Variants in SAMD4A observed in about 807,000 individuals in gnomAD.
SAMD4A encodes the protein protein Smaug homolog 1.
SAMD4A carries 33 observed loss-of-function variants against 81.3 expected under a neutral mutation model. That is an observed-to-expected ratio of 0.41 (90% CI 0.31 to 0.54). The LOEUF is 0.54. SAMD4A is among the 20% of genes least tolerant of loss of function. The probability of loss-of-function intolerance (pLI) is 0.37; values close to 1 mark genes in which losing one functional copy is unlikely to be tolerated. For synonymous variants in SAMD4A, 389 were observed against 382.1 expected (o/e 1.02, Z -0.21); for missense variants, 854 against 951.1 (o/e 0.90, Z 1.34).
chr14:54,717,952 A>G (rs1185986188), intron 3 of SAMD4A, among the ~76,000 whole-genome samples: 1 of 150,246 alleles, frequency 6.7e-6, no homozygotes, highest in Non-Finnish European at 1.5e-5. Context: ...GTATGGTCAC[A>G]GTTCTTTCCC....
chr14:54,579,242 G>A (rs954071215), intron 2 of SAMD4A, among the ~76,000 whole-genome samples: 2 of 152,236 alleles, frequency 1.3e-5, no homozygotes, highest in Non-Finnish European at 2.9e-5. Context: ...TCAATAATTA[G>A]ATAATGGGCT....
At chr14:54,579,601 C>T (rs2033407239) in intron 2 of SAMD4A, among the ~76,000 whole-genome samples, 1 of 152,142 alleles carries the variant, frequency 6.6e-6, no homozygotes, top group Admixed American at 6.5e-5. Context: ...ATTCCTCTTA[C>T]TTATGACATT....
chr14:54,655,188 GAT>G (rs1196242019), intron 2 of SAMD4A, among the ~76,000 whole-genome samples: 1 of 152,180 alleles, frequency 6.6e-6, no homozygotes, highest in Non-Finnish European at 1.5e-5. Context: ...GCGGATGAAA[GAT>G]AGGCTTTTTC....
intron 2 of SAMD4A, among the ~76,000 whole-genome samples, chr14:54,645,995 T>C (rs929419814): frequency 6.6e-6 from 1 of 152,238 alleles, no homozygotes; most frequent in Non-Finnish European, 1.5e-5. Flanking sequence ...TACTCCATCT[T>C]TTATGTGGTT....
At chr14:54,695,589 T>C (rs1256809099) in intron 2 of SAMD4A, among the ~76,000 whole-genome samples, 1 of 152,286 alleles carries the variant, frequency 6.6e-6, no homozygotes, top group Non-Finnish European at 1.5e-5. Context: ...GAAAAGCACA[T>C]AGGTGAATAC....
chr14:54,693,615 T>C (rs2036506239), intron 2 of SAMD4A: 1 of 152,212 alleles, frequency 6.6e-6, no homozygotes, highest in African/African-American at 2.4e-5. Flanking sequence ...GCTAAGAGGT[T>C]GAGGTTGCAG....
At chr14:54,783,481 G>C (rs1049836676) in intron 11 of SAMD4A, among the ~76,000 whole-genome samples, 2 of 152,230 alleles carry the variant, frequency 1.3e-5, no homozygotes, top group Non-Finnish European at 2.9e-5. Flanking sequence ...GGGAGATAGA[G>C]GGGTTCCAGG....
At chr14:54,660,061 C>T (rs2035605519) in intron 2 of SAMD4A, among the ~76,000 whole-genome samples, 1 of 151,230 alleles carries the variant, frequency 6.6e-6, no homozygotes, top group Non-Finnish European at 1.5e-5. Context: ...AGCTTGGCAA[C>T]AGAGCGAGAC....
rs57819180 is a variant in SAMD4A at position 54,576,001 on chromosome 14, C to CTTTTTTT, written c.196+7920_196+7926dup. ...CCAGGAAAGATTTCTTTCTTTCTTT[C>CTTTTTTT]TTTTTTTTTTTTTTTTTTTTTTTTT... On this transcript the variant is annotated intron_variant, in intron 2 of 12. Transcript: ENST00000554335. 1.8e-3 allele frequency among the ~76,000 whole-genome samples: 143 copies of CTTTTTTT among 79,982 alleles called. 17 individuals are homozygous for CTTTTTTT. The highest frequency in any genetic ancestry group is 5.5e-3 in the East Asian group (11 of 1,986). The allele number at this position is 79,982 out of a possible 152,430, so 52.5% of individuals were successfully genotyped here.
chr14:54,742,376 A>C (rs1271319844), intron 4 of SAMD4A, among the ~76,000 whole-genome samples: 1 of 152,062 alleles, frequency 6.6e-6, no homozygotes, highest in Admixed American at 6.5e-5. Context: ...GAGTGTGGGA[A>C]CTGTAGAACA....
In SAMD4A at chr14:54,641,566, T is replaced by C. The variant is rs962516862; in HGVS notation, c.197-60496T>C. ...AAAATCTTGTTGCATTTAGTCCACA[T>C]AGTGGCATATGAGACATGGAGCATT... is the stretch of plus-strand genomic sequence containing the variant. On this transcript the variant is annotated intron_variant, in intron 2 of 12. Transcript: ENST00000554335. Among the ~76,000 whole-genome samples the C allele has an allele frequency of 3.9e-5, 6 of 152,356 alleles. No individual in the cohort carries two copies. In the East Asian group the frequency reaches 1.2e-3, roughly 29 times the overall value.
At chr14:54,652,881 T>A (rs12888372) in intron 2 of SAMD4A, 64,199 of 151,938 alleles carry the variant, frequency 0.42, 14,515 homozygotes, top group East Asian at 0.78. Context: ...AGTTAAGTAA[T>A]CCTATTTCTA....
chr14:54,704,222 G>A lies in SAMD4A; in HGVS notation c.715+1642G>A, dbSNP rs539367442. Among the ~76,000 whole-genome samples the A allele has an allele frequency of 4.1e-4, 63 of 152,284 alleles. 2 individuals carry two copies. The South Asian group carries it at 0.01, about 25-fold the overall frequency. On this transcript the variant is annotated intron_variant, in intron 3 of 12. Transcript: ENST00000554335. ...ATAATCCAGCAGGAACAGTTTACTC[G>A]TCTCTGTATGATAAGGAGTGATGAC... is the stretch of plus-strand genomic sequence containing the variant.
intron 4 of SAMD4A, among the ~76,000 whole-genome samples, chr14:54,746,402 G>T (rs2037968676): frequency 6.6e-6 from 1 of 152,192 alleles, no homozygotes; most frequent in African/African-American, 2.4e-5. Flanking sequence ...CTTCAGGAAG[G>T]CCTAACTCAT....
intron 2 of SAMD4A, among the ~76,000 whole-genome samples, chr14:54,589,007 A>G (rs2033701686): frequency 6.6e-6 from 1 of 152,226 alleles, no homozygotes; most frequent in Non-Finnish European, 1.5e-5. Context: ...GTTTTAAGTT[A>G]TTAAAATGTA....
intron 2 of SAMD4A, among the ~76,000 whole-genome samples, chr14:54,569,459 AG>A (rs373113289): frequency 4.5e-4 from 69 of 152,298 alleles, no homozygotes; most frequent in African/African-American, 1.6e-3. Context: ...CCAAGTATGG[AG>A]GGCCACATTG....
At chr14:54,711,886 C>T (rs1477309108) in intron 3 of SAMD4A, among the ~76,000 whole-genome samples, 2 of 152,136 alleles carry the variant, frequency 1.3e-5, no homozygotes, top group African/African-American at 4.8e-5. Context: ...TCTCTCAGCC[C>T]CTAATGCGGC....
chr14:54,711,942 TC>T (rs2036999689), intron 3 of SAMD4A, among the ~76,000 whole-genome samples: 1 of 152,152 alleles, frequency 6.6e-6, no homozygotes, highest in African/African-American at 2.4e-5. Flanking sequence ...ATGAAGTCCT[TC>T]CTCTTCCTTT....
intron 3 of SAMD4A, among the ~76,000 whole-genome samples, chr14:54,716,791 C>T (rs2037130328): frequency 6.6e-6 from 1 of 151,902 alleles, no homozygotes; most frequent in African/African-American, 2.4e-5. Flanking sequence ...ATGTTTTTTT[C>T]TTCTTCTCTG....
Sources: gnomAD v4.1 joint callset for allele counts (sites outside exome capture counted in the v4.1 genomes callset) on GRCh38, gnomAD v4.1.1 for gene constraint, MANE v1.5 for transcripts, NCBI Gene and HGNC (gene_info 2026-07-23, HGNC 2026-07-21) for gene names.